RTKN2: variants seen among roughly 807,000 people sequenced by gnomAD.
RTKN2 encodes rhotekin-2.
A neutral mutation model predicts 71.5 loss-of-function variants in RTKN2; 69 were observed. The ratio of observed to expected loss-of-function variants is 0.96; its 90% CI spans 0.79 to 1.18. The LOEUF (loss-of-function observed/expected upper bound fraction) is 1.18, where lower values mean the gene tolerates loss of function less well. RTKN2 is among the 50% of genes most tolerant of loss of function. The pLI is 0.00. For synonymous variants in RTKN2, 236 were observed against 236.5 expected, an observed-to-expected ratio of 1.00 and a Z score of 0.02; for missense variants, 724 against 719.7, an observed-to-expected ratio of 1.01 and a Z score of -0.07.
At position 62,193,456 on chromosome 10, in the gene RTKN2, T is replaced by C; in HGVS notation, c.*4452A>G. ...TTGTTAAAATTTCTGTAACTTTTTT[T>C]GTTGTTAATTGAATGTAAAGGTAGT... On this transcript the variant is annotated 3_prime_UTR_variant, in exon 12 of 12. Coordinates refer to ENST00000373789, the MANE Select transcript of RTKN2 (RefSeq NM_145307.4). 4.1e-6 allele frequency: 4 copies of C among 982,456 alleles called. No homozygotes were observed. The highest frequency in any genetic ancestry group is 4.8e-6 in the Non-Finnish European group (4 of 827,176). 60.9% of individuals were successfully genotyped at this position (982,456 alleles called of 1,614,324 possible). A position where few individuals can be genotyped will look rare whatever the true frequency, so the allele number is the denominator to read the frequency against.
chr10:62,246,242 A>G (rs1022428957), intron 2 of RTKN2, among the ~76,000 whole-genome samples, 185 bp from the exon 3 acceptor site: 1 of 152,102 alleles, frequency 6.6e-6, no homozygotes, highest in Admixed American at 6.6e-5. Context: ...GTTAAAAGAA[A>G]TATCTGGAGC....
chr10:62,226,088 G>A (rs571840445), intron 6 of RTKN2, among the ~76,000 whole-genome samples: 14 of 152,144 alleles, frequency 9.2e-5, no homozygotes, highest in African/African-American at 2.4e-4. Context: ...GGCAACAACT[G>A]TATTTTCTAT....
chr10:62,255,026 ATAT>A (rs1173234976), intron 2 of RTKN2, among the ~76,000 whole-genome samples: 2 of 152,060 alleles, frequency 1.3e-5, no homozygotes, highest in African/African-American at 4.8e-5. Flanking sequence ...GATAAAACAA[ATAT>A]TAACTGTAGA....
In RTKN2 at chr10:62,198,197, AATGG is replaced by A; in HGVS notation, c.1537_1540del (p.Pro513SerfsTer3). 1 of 1,614,016 alleles carries A rather than the reference AATGG, an allele frequency of 6.2e-7. No individual in the cohort carries two copies. The highest frequency in any genetic ancestry group is 1.3e-5 in the African/African-American group (1 of 75,014). Reference sequence around the variant, plus strand: ...TGTGTTACTCTGTGATTTTAAGCTGAATGGAAGTTTATCAGAAGGAGGAAGGGGA... The same window carrying A: ...TGTGTTACTCTGTGATTTTAAGCTGAAAGTTTATCAGAAGGAGGAAGGGGA... On this transcript the variant is annotated frameshift_variant, in exon 12 of 12. Coordinates refer to ENST00000373789, the MANE Select transcript of RTKN2 (RefSeq NM_145307.4). LOFTEE classifies it high-confidence loss of function.
intron 2 of RTKN2, among the ~76,000 whole-genome samples, chr10:62,260,470 ATTT>A (rs973665290): frequency 1.3e-5 from 2 of 152,154 alleles, no homozygotes; most frequent in African/African-American, 4.8e-5. Flanking sequence ...ACTATACAAG[ATTT>A]TTTTAAATTC....
chr10:62,184,078 C>A, exon 9 of RTKN2: 1 of 405,334 alleles, frequency 2.5e-6, no homozygotes, highest in Non-Finnish European at 4.3e-6. Context: ...AGTGACTGTC[C>A]AAATAGCAGA....
intron 1 of RTKN2, among the ~76,000 whole-genome samples, chr10:62,266,197 C>T (rs930252862): frequency 2.0e-5 from 3 of 152,110 alleles, no homozygotes; most frequent in Non-Finnish European, 4.4e-5. Flanking sequence ...AGGAGCATAC[C>T]TTAAAAACAG....
chr10:62,238,789 T>C (rs1367500489), intron 5 of RTKN2: 2 of 151,992 alleles, frequency 1.3e-5, no homozygotes, highest in African/African-American at 4.8e-5. Flanking sequence ...TTTAATGTTA[T>C]GTGAGTGGCA....
intron 3 of RTKN2, among the ~76,000 whole-genome samples, chr10:62,241,439 ATC>A (rs1216256210): frequency 8.5e-5 from 13 of 152,256 alleles, no homozygotes; most frequent in East Asian, 1.9e-4. Flanking sequence ...CTCCATATAT[ATC>A]TGTTTCTTCC....
At position 62,268,777 on chromosome 10, in the gene RTKN2, C is replaced by G; in HGVS notation, c.-167G>C. The G allele has an allele frequency of 1.5e-6, 1 of 664,210 alleles. No homozygotes were observed. Among genetic ancestry groups the G allele is most frequent in the Non-Finnish European group, 2.5e-6 (1 of 401,462 alleles). 41.1% of individuals were successfully genotyped at this position (664,210 alleles called of 1,614,324 possible). On this transcript the variant is annotated 5_prime_UTR_variant, in exon 1 of 12. Coordinates refer to ENST00000373789, the MANE Select transcript of RTKN2 (RefSeq NM_145307.4). ...CGGGCCGAAGCGCACGCGCAGTGGG[C>G]GCGCCTTGCGCTCTGCAGCTCCCGC...
intron 4 of RTKN2, among the ~76,000 whole-genome samples, chr10:62,240,127 C>T (rs539831003): frequency 6.6e-6 from 1 of 151,956 alleles, no homozygotes; most frequent in Non-Finnish European, 1.5e-5. Flanking sequence ...CTACTACTAC[C>T]GCTGTCATTT....
At position 62,198,434 on chromosome 10, in the gene RTKN2, G is replaced by A; in HGVS notation, c.1304C>T (p.Ser435Leu). 6.8e-7 allele frequency: 1 copy of A among 1,470,992 alleles called. No individual in the cohort carries two copies. Among genetic ancestry groups the A allele is most frequent in the East Asian group, 2.3e-5 (1 of 43,346 alleles). 91.1% of individuals were successfully genotyped at this position (1,470,992 alleles called of 1,614,324 possible). A position where few individuals can be genotyped will look rare whatever the true frequency, so the allele number is the denominator to read the frequency against. ...TSVYHDMSID[S>L]PMKLESLTDI... ...CGTTAAACTTTCAAGTTTCATAGGTGAATCAATGCCTATAATAATTTTAAG... is the reference window on the plus strand; with the variant it reads ...CGTTAAACTTTCAAGTTTCATAGGTAAATCAATGCCTATAATAATTTTAAG... Residue 435 changes from serine (S) to leucine (L), a missense_variant, in exon 12 of 12, where the codon TCA becomes TTA. Coordinates refer to ENST00000373789, the MANE Select transcript of RTKN2 (RefSeq NM_145307.4).
Position 62,193,926 on chromosome 10 carries a change from G to C in RTKN2, c.*3982C>G, listed in dbSNP as rs935718686. 10 of 983,168 alleles carry C rather than the reference G, an allele frequency of 1.0e-5. No homozygotes were observed. Among genetic ancestry groups the C allele is most frequent in the African/African-American group, 3.5e-5 (2 of 57,176 alleles). 60.9% of individuals were successfully genotyped at this position (983,168 alleles called of 1,614,324 possible). ...TGGTATGTCTTTTTCTGATTAAACTGATTCCACCACACTGTCTACTTCAAT... is the reference window on the plus strand; with the variant it reads ...TGGTATGTCTTTTTCTGATTAAACTCATTCCACCACACTGTCTACTTCAAT... On this transcript the variant is annotated 3_prime_UTR_variant, in exon 12 of 12. Coordinates refer to ENST00000373789, the MANE Select transcript of RTKN2 (RefSeq NM_145307.4).
intron 7 of RTKN2, among the ~76,000 whole-genome samples, chr10:62,220,357 CAA>C (rs1277631461): frequency 1.3e-5 from 2 of 152,146 alleles, no homozygotes; most frequent in African/African-American, 4.8e-5. Flanking sequence ...CACAAATAAA[CAA>C]AAGTTATCTT....
rs916037357 is a variant in RTKN2, at chr10:62,195,038, C to A, written c.*2870G>T. On this transcript the variant is annotated 3_prime_UTR_variant, in exon 12 of 12. Coordinates refer to ENST00000373789, the MANE Select transcript of RTKN2 (RefSeq NM_145307.4). ...GCATTTAGAATTTTAAAAATGCCTT[C>A]TTTGCCCTTGCAAGATATTAAAATA... 2.0e-6 allele frequency: 2 copies of A among 985,060 alleles called. No individual in the cohort carries two copies. The highest frequency in any genetic ancestry group is 1.2e-6 in the Non-Finnish European group (1 of 829,614). 61.0% of individuals were successfully genotyped at this position (985,060 alleles called of 1,614,324 possible).
At chr10:62,249,859 G>A (rs917612809) in intron 2 of RTKN2, among the ~76,000 whole-genome samples, 2 of 152,062 alleles carry the variant, frequency 1.3e-5, no homozygotes, top group African/African-American at 4.8e-5. Flanking sequence ...TTTAGGTTGG[G>A]GCTCACATAG....
At position 62,262,774 on chromosome 10, in the gene RTKN2, T is replaced by C. The variant is rs775608845; in HGVS notation, c.108A>G (p.Glu36=). Residue 36 remains glutamate (E), a synonymous_variant, in exon 2 of 12, where the codon GAA becomes GAG. Coordinates refer to ENST00000373789, the MANE Select transcript of RTKN2 (RefSeq NM_145307.4). ...EKIDLEIRMR[E]GIWKLLSLST... The stretch of plus-strand genomic sequence containing the variant: ...TCAGAGAAAGGAGTTTCCATATTCC[T>C]TCTCGCATTCGAATTTCTAAGTCTA... 2 of 1,611,680 alleles carry C rather than the reference T, an allele frequency of 1.2e-6. No homozygotes were observed. Among genetic ancestry groups the C allele is most frequent in the Non-Finnish European group, 1.7e-6 (2 of 1,179,090 alleles).
Position 62,262,762 on chromosome 10 carries a change from T to C in RTKN2, c.120A>G (p.Lys40=). The C allele has an allele frequency of 6.2e-7, 1 of 1,613,326 alleles. No homozygotes were observed. The highest frequency in any genetic ancestry group is 8.5e-7 in the Non-Finnish European group (1 of 1,179,588). Residue 40 remains lysine (K), a synonymous_variant, in exon 2 of 12, where the codon AAA becomes AAG. Coordinates refer to ENST00000373789, the MANE Select transcript of RTKN2 (RefSeq NM_145307.4). ...LEIRMREGIW[K]LLSLSTQKDQ... is the part of the protein sequence containing the mutation. ...CTTTCTGAGTGCTCAGAGAAAGGAGTTTCCATATTCCTTCTCGCATTCGAA... is the reference window on the plus strand; with the variant it reads ...CTTTCTGAGTGCTCAGAGAAAGGAGCTTCCATATTCCTTCTCGCATTCGAA...
chr10:62,203,748 T>A (rs1229452382), intron 10 of RTKN2, among the ~76,000 whole-genome samples: 1 of 152,238 alleles, frequency 6.6e-6, no homozygotes, highest in Admixed American at 6.5e-5. Context: ...AAACAAGTCC[T>A]AAACAATACA....
Sources: allele counts gnomAD v4.1 joint callset (sites outside exome capture counted in the v4.1 genomes callset), GRCh38; gene constraint gnomAD v4.1.1; transcripts MANE v1.5; gene names NCBI Gene and HGNC (gene_info 2026-07-23, HGNC 2026-07-21).